Variants in NFIB observed in about 807,000 individuals in gnomAD.
The protein encoded by NFIB is nuclear factor 1 B-type.
A neutral mutation model predicts 61.5 loss-of-function variants in NFIB; 11 were observed. The ratio of observed to expected loss-of-function variants is 0.18; its 90% confidence interval spans 0.11 to 0.30. NFIB has a LOEUF of 0.30. NFIB is among the 10% of genes least tolerant of loss of function. The pLI is 1.00. For missense variants in NFIB, 471 were observed against 608.9 expected, an observed-to-expected ratio of 0.77 and a Z score of 2.38; for synonymous variants, 260 against 216.5, an observed-to-expected ratio of 1.20 and a Z score of -1.76.
At chr9:14,151,904 C>T (rs2042913026) in intron 4 of NFIB, among the ~76,000 whole-genome samples, 1 of 152,040 alleles carries the variant, frequency 6.6e-6, no homozygotes, top group South Asian at 2.1e-4. Flanking sequence ...TCCCATCTGC[C>T]TCAAGTTGAG....
intron 2 of NFIB, among the ~76,000 whole-genome samples, chr9:14,285,871 T>C (rs568760933): frequency 2.0e-5 from 3 of 152,320 alleles, no homozygotes; most frequent in African/African-American, 7.2e-5. Context: ...GTAAGATTGG[T>C]ATTATCTCCA....
intron 2 of NFIB, among the ~76,000 whole-genome samples, chr9:14,277,407 A>G (rs1166133331): frequency 6.6e-6 from 1 of 152,114 alleles, no homozygotes; most frequent in East Asian, 1.9e-4. Flanking sequence ...AATCTCCAGA[A>G]GTGTGCCGAG....
At chr9:14,308,742 T>C (rs889000942) in intron 1 of NFIB, among the ~76,000 whole-genome samples, 5 of 152,360 alleles carry the variant, frequency 3.3e-5, no homozygotes, top group Admixed American at 1.3e-4. Flanking sequence ...AGAGTACCAA[T>C]CTTTTGAATT....
the NFIB span, among the ~76,000 whole-genome samples, chr9:14,523,502 A>G: frequency 0.45 from 68,142 of 151,778 alleles, 15,812 homozygotes; most frequent in Middle Eastern, 0.56. Context: ...ATGCCAGCCC[A>G]TGCCAGAGAC....
intron 2 of NFIB, among the ~76,000 whole-genome samples, chr9:14,233,731 T>G (rs2053451916): frequency 6.6e-6 from 1 of 152,212 alleles, no homozygotes; most frequent in South Asian, 2.1e-4. Flanking sequence ...GGCCCAGACT[T>G]GTTTTGCTAT....
At chr9:14,135,345 T>A (rs938318427) in intron 6 of NFIB, among the ~76,000 whole-genome samples, 1 of 152,250 alleles carries the variant, frequency 6.6e-6, no homozygotes, top group Non-Finnish European at 1.5e-5. Context: ...AGCTTCATAT[T>A]AGTTTAGGTA....
At chr9:14,261,291 T>C (rs1587993910) in intron 2 of NFIB, among the ~76,000 whole-genome samples, 1 of 151,970 alleles carries the variant, frequency 6.6e-6, no homozygotes. Context: ...CACTCCAGCC[T>C]GGGCAATAGA....
chr9:14,373,499 T>C (rs954384693), intron 1 of NFIB, among the ~76,000 whole-genome samples: 4 of 152,206 alleles, frequency 2.6e-5, no homozygotes, highest in African/African-American at 9.7e-5. Flanking sequence ...AATTATTGTT[T>C]TAGACTCATT....
At chr9:14,166,832 T>C (rs2044852968) in intron 3 of NFIB, among the ~76,000 whole-genome samples, 1 of 152,216 alleles carries the variant, frequency 6.6e-6, no homozygotes, top group Non-Finnish European at 1.5e-5. Context: ...ACTCCTCCGA[T>C]GCAATTTTAA....
chr9:14,319,275 A>C (rs562860842), intron 1 of NFIB, among the ~76,000 whole-genome samples: 1 of 152,188 alleles, frequency 6.6e-6, no homozygotes, highest in East Asian at 1.9e-4. Flanking sequence ...CTCAACACCA[A>C]CTGAGCCAGA....
intron 2 of NFIB, among the ~76,000 whole-genome samples, chr9:14,230,800 T>TA (rs758487956): frequency 4.6e-5 from 7 of 152,060 alleles, no homozygotes; most frequent in Non-Finnish European, 1.0e-4. Flanking sequence ...GAAAGGTGGG[T>TA]AAAATCCAGA....
intron 2 of NFIB, among the ~76,000 whole-genome samples, chr9:14,190,471 G>A (rs2047825449): frequency 6.6e-6 from 1 of 152,178 alleles, no homozygotes; most frequent in Non-Finnish European, 1.5e-5. Context: ...GCTTGCTGAT[G>A]TGGCAGATAA....
the NFIB span, among the ~76,000 whole-genome samples, chr9:14,426,180 G>A: frequency 1.3e-5 from 1 of 79,884 alleles, no homozygotes; most frequent in African/African-American, 3.5e-5. Flanking sequence ...GCAATTCTTG[G>A]CTTAAAGAAA....
chr9:14,179,865 T>G, intron 2 of NFIB, 85 bp from the exon 3 acceptor site: 1 of 1,391,568 alleles, frequency 7.2e-7, no homozygotes, highest in Non-Finnish European at 9.8e-7. Context: ...AAAAAAAATT[T>G]GAAGGTATAA....
intron 2 of NFIB, among the ~76,000 whole-genome samples, chr9:14,281,339 T>C (rs566615727): frequency 1.6e-4 from 24 of 152,274 alleles, no homozygotes; most frequent in Non-Finnish European, 2.9e-4. Flanking sequence ...GGAGAACTAG[T>C]ACATTTATAA....
At chr9:14,097,875 C>CTTTTTTTTTTTTTTTTTTTTTTTTTT (rs71321962) in intron 10 of NFIB, among the ~76,000 whole-genome samples, 2 of 110,840 alleles carry the variant, frequency 1.8e-5, no homozygotes, top group Admixed American at 1.0e-4. Flanking sequence ...TTTCTTTTTT[C>CTTTTTTTTTTTTTTTTTTTTTTTTTT]TTTTTTTTTT....
the NFIB span, among the ~76,000 whole-genome samples, chr9:14,449,962 A>C: frequency 6.6e-6 from 1 of 151,868 alleles, no homozygotes; most frequent in Admixed American, 6.6e-5. Flanking sequence ...TAAATAAATA[A>C]AATTTTTTTT....
At chr9:14,446,061 T>G in the NFIB span, among the ~76,000 whole-genome samples, 1,015 of 152,286 alleles carry the variant, frequency 6.7e-3, 4 homozygotes, top group Non-Finnish European at 0.01. Context: ...ATAATCGCAC[T>G]CTCTTCCAGC....
At chr9:14,503,689 ATTTGT>A in the NFIB span, among the ~76,000 whole-genome samples, 3 of 151,506 alleles carry the variant, frequency 2.0e-5, no homozygotes, top group East Asian at 5.8e-4. Context: ...TTACTTGCTG[ATTTGT>A]TTGGGTTCTT....
Sources: allele counts gnomAD v4.1 joint callset (sites outside exome capture counted in the v4.1 genomes callset), GRCh38; gene constraint gnomAD v4.1.1; transcripts MANE v1.5; gene names NCBI Gene and HGNC (gene_info 2026-07-23, HGNC 2026-07-21).